The following DCC variants were observed in gnomAD, a reference collection of about 807,000 sequenced individuals.
DCC encodes the protein netrin receptor DCC.
A neutral mutation model predicts 172.5 loss-of-function variants in DCC; 58 were observed. The ratio of observed to expected loss-of-function variants is 0.34; its 90% confidence interval spans 0.27 to 0.42. The LOEUF is 0.42. DCC is among the 10% of genes least tolerant of loss of function. The pLI, the probability that DCC is intolerant of heterozygous loss-of-function variation, is 1.00. For synonymous variants in DCC, 709 were observed against 644.5 expected (o/e 1.10, Z -1.52); for missense variants, 1,740 against 1,791.0 (o/e 0.97, Z 0.51).
intron 1 of DCC, among the ~76,000 whole-genome samples, chr18:52,390,985 A>G (rs1246129232): frequency 1.3e-5 from 2 of 151,972 alleles, no homozygotes; most frequent in East Asian, 3.9e-4. Context: ...TTTCACATCT[A>G]TGTAAGGGTA....
chr18:53,442,577 G>C (rs1912340184), intron 22 of DCC, among the ~76,000 whole-genome samples: 1 of 152,090 alleles, frequency 6.6e-6, no homozygotes. Context: ...AACCCTACAA[G>C]GCTTCTAAGT....
At chr18:53,296,308 C>T (rs2057067092) in intron 12 of DCC, among the ~76,000 whole-genome samples, 1 of 152,162 alleles carries the variant, frequency 6.6e-6, no homozygotes, top group Non-Finnish European at 1.5e-5. Context: ...CTCTTTTTCT[C>T]TTTCCCTTTT....
At chr18:53,175,538 C>A (rs533182924) in intron 8 of DCC, among the ~76,000 whole-genome samples, 5,845 of 148,864 alleles carry the variant, frequency 0.039, 158 homozygotes, top group Non-Finnish European at 0.06. Context: ...CAACAACAGA[C>A]AAACAGAGAG....
chr18:53,528,995 A>G (rs936661856), intron 28 of DCC, among the ~76,000 whole-genome samples: 1 of 135,118 alleles, frequency 7.4e-6, no homozygotes, highest in East Asian at 2.1e-4. Flanking sequence ...TAATCCCCTC[A>G]CTTCAACTTC....
At chr18:52,583,490 A>G (rs1485942422) in intron 1 of DCC, among the ~76,000 whole-genome samples, 1 of 152,184 alleles carries the variant, frequency 6.6e-6, no homozygotes, top group African/African-American at 2.4e-5. Flanking sequence ...AATTTAGAAG[A>G]ATATATCTCT....
Position 52,695,185 on chromosome 18 carries a change from G to A in DCC, c.92-56869G>A, listed in dbSNP as rs148732326. ...CTGACACTGACAAAAATTAACTGTG[G>A]CATCCTAAGCAACTTACTTAACCTC... On this transcript the variant is annotated intron_variant, in intron 1 of 28. Transcript: ENST00000442544. 5.8e-3 allele frequency among the ~76,000 whole-genome samples: 877 copies of A among 152,202 alleles called. 6 individuals are homozygous for A. The highest frequency in any genetic ancestry group is 0.01 in the Non-Finnish European group (683 of 67,998).
intron 25 of DCC, among the ~76,000 whole-genome samples, chr18:53,471,109 G>T (rs2045690649): frequency 6.6e-6 from 1 of 152,206 alleles, no homozygotes; most frequent in Non-Finnish European, 1.5e-5. Flanking sequence ...CTAGACTACA[G>T]CAATAAGCTT....
rs869070422 is a variant in DCC, at chr18:53,023,401, C to CAAAAAAAAAAAAA, written c.986-39888_986-39876dup. On this transcript the variant is annotated intron_variant, in intron 5 of 28. Transcript: ENST00000442544. ...GGACAAACACATATATAACTCAGAC[C>CAAAAAAAAAAAAA]AAAAAAAAAAAAAAAAAAAAAAAAA... Among the ~76,000 whole-genome samples, 8 of 24,428 alleles carry CAAAAAAAAAAAAA rather than the reference C, an allele frequency of 3.3e-4. 1 individual carries two copies. The highest frequency in any genetic ancestry group is 1.5e-3 in the African/African-American group (8 of 5,196). 16.0% of individuals were successfully genotyped at this position (24,428 alleles called of 152,430 possible).
At chr18:52,855,143 C>A (rs1308044322) in intron 2 of DCC, among the ~76,000 whole-genome samples, 3 of 152,204 alleles carry the variant, frequency 2.0e-5, no homozygotes, top group Non-Finnish European at 4.4e-5. Context: ...CATCTGTTCT[C>A]AGTTCTCCTG....
chr18:53,048,423 G>A (rs1434154762), intron 5 of DCC, among the ~76,000 whole-genome samples: 15 of 150,536 alleles, frequency 1.0e-4, no homozygotes, highest in Admixed American at 4.7e-4. Flanking sequence ...GATGGCCTTC[G>A]ACTCCATCCA....
intron 2 of DCC, among the ~76,000 whole-genome samples, chr18:52,780,483 A>G (rs1240634304): frequency 6.6e-6 from 1 of 152,184 alleles, no homozygotes; most frequent in African/African-American, 2.4e-5. Context: ...TAATAAGAGA[A>G]AGGCATTCAC....
intron 22 of DCC, among the ~76,000 whole-genome samples, chr18:53,447,244 A>G (rs1245668565): frequency 6.6e-6 from 1 of 152,212 alleles, no homozygotes; most frequent in African/African-American, 2.4e-5. Flanking sequence ...GACTGCCACT[A>G]AAGACACCAT....
At chr18:53,487,295 A>G (rs1384722808) in intron 26 of DCC, among the ~76,000 whole-genome samples, 1 of 152,216 alleles carries the variant, frequency 6.6e-6, no homozygotes, top group Non-Finnish European at 1.5e-5. Flanking sequence ...ATATCTTCCA[A>G]CATATTTGGT....
intron 12 of DCC, among the ~76,000 whole-genome samples, chr18:53,258,517 C>T (rs1031936622): frequency 7.2e-5 from 11 of 151,848 alleles, no homozygotes; most frequent in South Asian, 2.1e-4. Flanking sequence ...TGTAGTTGAG[C>T]GGTTTTGAGT....
intron 1 of DCC, among the ~76,000 whole-genome samples, chr18:52,497,450 A>G (rs926572332): frequency 1.6e-4 from 16 of 101,102 alleles, no homozygotes; most frequent in Non-Finnish European, 2.6e-4. Flanking sequence ...GAGGAACAAC[A>G]TAAGTTTTTT....
chr18:52,745,160 A>G (rs12968331), intron 1 of DCC, among the ~76,000 whole-genome samples: 5,663 of 152,326 alleles, frequency 0.037, 135 homozygotes, highest in Middle Eastern at 0.1. Context: ...AGAGAAATAT[A>G]TAATAAATAT....
rs1015236159 is a variant in DCC, at chr18:53,418,373, C to T, written c.3163+2217C>T. On this transcript the variant is annotated intron_variant, in intron 21 of 28. Coordinates refer to ENST00000442544, the MANE Select transcript of DCC (RefSeq NM_005215.4). ...ATGAGAAATAACCCAGATTAAAGAT[C>T]CCTCTAAGATTGATGAAAATAATAG... Among the ~76,000 whole-genome samples the T allele has an allele frequency of 1.4e-4, 21 of 152,168 alleles. No homozygotes were observed. In the South Asian group the frequency reaches 2.1e-3, roughly 15 times the overall value.
At chr18:53,192,307 A>G (rs1006240493) in intron 9 of DCC, among the ~76,000 whole-genome samples, 3 of 152,150 alleles carry the variant, frequency 2.0e-5, no homozygotes, top group African/African-American at 7.2e-5. Context: ...TGGAATTTTT[A>G]TTGTTGCTGC....
At chr18:53,318,095 C>T (rs899443562) in intron 13 of DCC, among the ~76,000 whole-genome samples, 11 of 152,090 alleles carry the variant, frequency 7.2e-5, no homozygotes, top group African/African-American at 2.7e-4. Flanking sequence ...TGAGATCTTT[C>T]CTGCTTTCTC....
Sources: gnomAD v4.1 joint callset for allele counts (sites outside exome capture counted in the v4.1 genomes callset) on GRCh38, gnomAD v4.1.1 for gene constraint, MANE v1.5 for transcripts, NCBI Gene and HGNC (gene_info 2026-07-23, HGNC 2026-07-21) for gene names.